Variants in FBXO31 observed in about 807,000 individuals in gnomAD.
FBXO31 encodes the protein F-box protein 31.
In FBXO31, 24 loss-of-function variants were observed where a neutral mutation model predicts 54.4. The observed-to-expected ratio is 0.44, with a 90% confidence interval of 0.32 to 0.62. The LOEUF (loss-of-function observed/expected upper bound fraction) is 0.62, where lower values mean the gene tolerates loss of function less well. Ranked by LOEUF, FBXO31 falls within the 20% of genes least tolerant of loss-of-function variation. FBXO31 has a pLI of 0.05. For synonymous variants in FBXO31, 388 were observed against 335.6 expected (o/e 1.16, Z -1.71); for missense variants, 665 against 787.1 (o/e 0.84, Z 1.86).
chr16:87,387,226 A>C (rs530100342), upstream of FBXO31, among the ~76,000 whole-genome samples: 65 of 152,280 alleles, frequency 4.3e-4, no homozygotes, highest in African/African-American at 1.5e-3. Context: ...TGCCAGCAGA[A>C]AACTACTACA....
chr16:87,375,481 A>G (rs575952955), intron 1 of FBXO31, among the ~76,000 whole-genome samples: 1 of 152,088 alleles, frequency 6.6e-6, no homozygotes. Flanking sequence ...ACAGAGCAAG[A>G]CTCTGTCTCA....
upstream of FBXO31, among the ~76,000 whole-genome samples, chr16:87,384,593 C>T (rs983735456): frequency 2.6e-5 from 4 of 152,236 alleles, no homozygotes; most frequent in African/African-American, 7.2e-5. Flanking sequence ...GTGGTGACCG[C>T]GAAGGCGTCC....
chr16:87,357,317 G>T (rs1463266335), intron 2 of FBXO31, among the ~76,000 whole-genome samples: 1 of 145,480 alleles, frequency 6.9e-6, no homozygotes, highest in East Asian at 2.0e-4. Context: ...TCCATCAAAA[G>T]AATTCGGTTC....
rs576514199 is a variant in FBXO31, at chr16:87,346,137, T to C, written c.489+1037A>G. The stretch of plus-strand genomic sequence containing the variant: ...GCCTCCGGCTGGGCCCTACAGAGGG[T>C]TGTGTCCTGGGAAGGAGAGAGACCC... On this transcript the variant is annotated intron_variant, in intron 3 of 8. Coordinates refer to ENST00000311635, the MANE Select transcript of FBXO31 (RefSeq NM_024735.5). This position sits in a 1 kb window ranked among gnomAD's most constrained non-coding sequence, Gnocchi z 4.2. Among the ~76,000 whole-genome samples, 67 of 152,020 alleles carry C rather than the reference T, an allele frequency of 4.4e-4. No individual in the cohort carries two copies. Among genetic ancestry groups the C allele is most frequent in the African/African-American group, 1.6e-3 (65 of 41,478 alleles).
At chr16:87,363,157 G>A (rs1431394299) in intron 1 of FBXO31, among the ~76,000 whole-genome samples, 1 of 152,294 alleles carries the variant, frequency 6.6e-6, no homozygotes, top group African/African-American at 2.4e-5. Flanking sequence ...GGTCGAGGTG[G>A]GAAGATCACC....
chr16:87,327,017 T>C lies in FBXO31; in HGVS notation c.*4271A>G, dbSNP rs967737643. 2.0e-5 allele frequency: 3 copies of C among 152,298 alleles called. No homozygotes were observed. Among genetic ancestry groups the C allele is most frequent in the Non-Finnish European group, 2.9e-5 (2 of 68,116 alleles). 9.4% of individuals were successfully genotyped at this position (152,298 alleles called of 1,614,324 possible). On this transcript the variant is annotated 3_prime_UTR_variant, in exon 9 of 9. Transcript: ENST00000311635. ...TCAAAAACGGATTTACTTGAAACTGTGAGGAGAAACAAGTGCACGGGTGCA... is the reference window on the plus strand; with the variant it reads ...TCAAAAACGGATTTACTTGAAACTGCGAGGAGAAACAAGTGCACGGGTGCA...
intron 1 of FBXO31, among the ~76,000 whole-genome samples, chr16:87,371,457 T>G (rs1597376505): frequency 6.6e-6 from 1 of 152,256 alleles, no homozygotes; most frequent in East Asian, 1.9e-4. Context: ...AGTCTGACTC[T>G]ACAATCCTAT....
chr16:87,367,138 C>G (rs1039537842), intron 1 of FBXO31: 6 of 152,256 alleles, frequency 3.9e-5, no homozygotes, highest in Admixed American at 3.9e-4. Flanking sequence ...CCACTGCACT[C>G]CAGCCTGGGC....
At chr16:87,351,408 G>C (rs181773437) in intron 2 of FBXO31, among the ~76,000 whole-genome samples, 17 of 151,958 alleles carry the variant, frequency 1.1e-4, no homozygotes, top group Non-Finnish European at 1.8e-4. Flanking sequence ...GGCTCTGGTG[G>C]CGGGGGAAAG....
chr16:87,360,251 T>C, intron 2 of FBXO31, 44 bp downstream of exon 2: 2 of 1,555,150 alleles, frequency 1.3e-6, no homozygotes, highest in Admixed American at 1.7e-5. Flanking sequence ...TGTCTGCTTC[T>C]GGTACAAAGT....
intron 1 of FBXO31, among the ~76,000 whole-genome samples, chr16:87,360,602 G>C (rs955427755): frequency 1.3e-5 from 2 of 152,214 alleles, no homozygotes; most frequent in African/African-American, 4.8e-5. Context: ...ATAATAATCT[G>C]CAATGTCTAT....
chr16:87,380,102 AT>A (rs1907008986), intron 1 of FBXO31, among the ~76,000 whole-genome samples: 1 of 151,020 alleles, frequency 6.6e-6, no homozygotes, highest in South Asian at 2.1e-4. Context: ...TATCAAGACC[AT>A]TCTGGCCAAC....
At chr16:87,380,768 G>A (rs924437914) in intron 1 of FBXO31, among the ~76,000 whole-genome samples, 8 of 152,214 alleles carry the variant, frequency 5.3e-5, no homozygotes, top group East Asian at 3.8e-4. Context: ...GCTGAGAACC[G>A]CAGCAGTGGG....
At chr16:87,355,569 T>A (rs998697968) in intron 2 of FBXO31, among the ~76,000 whole-genome samples, 2 of 152,252 alleles carry the variant, frequency 1.3e-5, no homozygotes, top group African/African-American at 4.8e-5. Context: ...TTTTTCATTT[T>A]ATTTTCTAAA....
chr16:87,363,640 A>AG (rs1555512829), intron 1 of FBXO31, among the ~76,000 whole-genome samples: 1 of 113,960 alleles, frequency 8.8e-6, no homozygotes, highest in South Asian at 9.3e-4. Context: ...AGGAATAAAT[A>AG]GTTTTTTAAT....
chr16:87,339,535 T>C (rs1905128398), intron 5 of FBXO31, among the ~76,000 whole-genome samples: 2 of 152,180 alleles, frequency 1.3e-5, no homozygotes, highest in Admixed American at 6.5e-5. Flanking sequence ...CACTCGAGGA[T>C]AGGTGGTACA....
Position 87,339,158 on chromosome 16 carries a change from A to T in FBXO31, c.733-2894T>A, listed in dbSNP as rs149752695. On this transcript the variant is annotated intron_variant, in intron 5 of 8. Transcript: ENST00000311635. ...CAGCAGCGTGAAAATGGACTAATAC[A>T]GTGCTGATCCAGAAGTTCTCAGCCA... Among the ~76,000 whole-genome samples, 3 of 152,358 alleles carry T rather than the reference A, an allele frequency of 2.0e-5. No homozygotes were observed. In the East Asian group the frequency reaches 5.8e-4, roughly 29 times the overall value.
Position 87,345,920 on chromosome 16 carries a change from CA to C in FBXO31, c.489+1253del, listed in dbSNP as rs1433526247. ...TACCGCCGCCAAACGCCAAAGATGG[CA>C]ACCAGAGAACACAGCCCCATGCTGC... On this transcript the variant is annotated intron_variant, in intron 3 of 8. Transcript: ENST00000311635. This position sits in a 1 kb window ranked among gnomAD's most constrained non-coding sequence, Gnocchi z 4.9. Among the ~76,000 whole-genome samples the C allele has an allele frequency of 1.3e-5, 2 of 152,182 alleles. No individual in the cohort carries two copies. Among genetic ancestry groups the C allele is most frequent in the Non-Finnish European group, 2.9e-5 (2 of 68,028 alleles).
chr16:87,365,473 C>A (rs1451101328), intron 1 of FBXO31, among the ~76,000 whole-genome samples: 1 of 152,222 alleles, frequency 6.6e-6, no homozygotes, highest in Non-Finnish European at 1.5e-5. Context: ...GAGACTTCAG[C>A]AGAGCCAGGC....
Sources: allele counts gnomAD v4.1 joint callset (sites outside exome capture counted in the v4.1 genomes callset), GRCh38; gene constraint gnomAD v4.1.1; non-coding constraint Gnocchi (gnomAD v3.1); transcripts MANE v1.5; gene names NCBI Gene and HGNC (gene_info 2026-07-23, HGNC 2026-07-21).